The following RB1 variants were observed in gnomAD, a reference collection of about 807,000 sequenced individuals.
The protein encoded by RB1 is RB transcriptional corepressor 1.
A neutral mutation model predicts 135.4 loss-of-function variants in RB1; 18 were observed. The observed-to-expected ratio is 0.13, with a 90% CI of 0.09 to 0.20. RB1 has a LOEUF of 0.20. Ranked by LOEUF, RB1 falls within the 10% of genes least tolerant of loss-of-function variation. The pLI, the probability that RB1 is intolerant of heterozygous loss-of-function variation, is 1.00. For missense variants in RB1, 868 were observed against 1,110.0 expected (o/e 0.78, Z 3.10); for synonymous variants, 365 against 373.2 (o/e 0.98, Z 0.25).
chr13:48,430,203 A>G (rs1949115109), intron 17 of RB1, among the ~76,000 whole-genome samples: 1 of 152,254 alleles, frequency 6.6e-6, no homozygotes, highest in African/African-American at 2.4e-5. Flanking sequence ...GTCCAGAAAT[A>G]ATCCCATACC....
At chr13:48,457,074 T>C (rs898400697) in intron 19 of RB1, among the ~76,000 whole-genome samples, 2 of 152,150 alleles carry the variant, frequency 1.3e-5, no homozygotes, top group Admixed American at 6.5e-5. Context: ...GGTCCTGAGT[T>C]CTTGTCCTGC....
At chr13:48,347,759 G>A (rs531509043) in intron 4 of RB1, 66 bp from the exon 5 acceptor site, 1 of 1,090,408 alleles carries the variant, frequency 9.2e-7, no homozygotes, top group Admixed American at 1.9e-5. Context: ...AATAAAGCAT[G>A]AGAAAACTAC....
chr13:48,371,795 C>T (rs1952761035), intron 11 of RB1, among the ~76,000 whole-genome samples: 1 of 151,948 alleles, frequency 6.6e-6, no homozygotes, highest in Admixed American at 6.6e-5. Flanking sequence ...AGCAGGGGTC[C>T]CCAATTCCCG....
chr13:48,374,088 G>A (rs1365360980), intron 12 of RB1, among the ~76,000 whole-genome samples: 1 of 151,936 alleles, frequency 6.6e-6, no homozygotes, highest in Non-Finnish European at 1.5e-5. Flanking sequence ...TATTAGATAG[G>A]ACTTAACATT....
intron 2 of RB1, among the ~76,000 whole-genome samples, chr13:48,309,786 A>AT (rs972409649): frequency 5.3e-5 from 8 of 151,640 alleles, no homozygotes; most frequent in South Asian, 2.1e-4. Flanking sequence ...CACATAACTT[A>AT]TTTTTTTTTG....
intron 17 of RB1, among the ~76,000 whole-genome samples, chr13:48,382,456 G>A (rs542070392): frequency 6.6e-5 from 10 of 152,260 alleles, no homozygotes; most frequent in Admixed American, 1.3e-4. Context: ...CAGTGATGAT[G>A]AGCATTTTTT....
chr13:48,401,625 G>A (rs1381172699), intron 17 of RB1, among the ~76,000 whole-genome samples: 1 of 152,082 alleles, frequency 6.6e-6, no homozygotes, highest in African/African-American at 2.4e-5. Context: ...TGTGGTCCTT[G>A]GTGTTGTTAC....
intron 18 of RB1, among the ~76,000 whole-genome samples, chr13:48,453,993 G>T (rs114672161): frequency 6.6e-6 from 1 of 152,106 alleles, no homozygotes; most frequent in East Asian, 1.9e-4. Context: ...AGTGAATTGG[G>T]GTCCCAAGTG....
intron 2 of RB1, among the ~76,000 whole-genome samples, chr13:48,335,639 T>C (rs547602746): frequency 2.0e-5 from 3 of 152,206 alleles, no homozygotes; most frequent in East Asian, 1.9e-4. Context: ...TTGCCCATTT[T>C]CCCCCCATTT....
At chr13:48,343,260 A>G (rs1952463203) in intron 3 of RB1, among the ~76,000 whole-genome samples, 1 of 152,178 alleles carries the variant, frequency 6.6e-6, no homozygotes, top group South Asian at 2.1e-4. Context: ...TGTTTTCAAT[A>G]ATGTATGAAC....
chr13:48,308,232 C>T, intron 2 of RB1, among the ~76,000 whole-genome samples: 1 of 151,500 alleles, frequency 6.6e-6, no homozygotes, highest in Non-Finnish European at 1.5e-5. Flanking sequence ...TGCCTATAGT[C>T]CCAGCTACTT....
chr13:48,349,482 T>C (rs1455969381), intron 6 of RB1, among the ~76,000 whole-genome samples: 1 of 151,838 alleles, frequency 6.6e-6, no homozygotes. Context: ...AAATAATGGG[T>C]TATAAGATAG....
chr13:48,437,191 C>T (rs573138085), intron 17 of RB1, among the ~76,000 whole-genome samples: 2 of 152,092 alleles, frequency 1.3e-5, no homozygotes, highest in Non-Finnish European at 2.9e-5. Flanking sequence ...GACTAAGTAG[C>T]AAAACAGAGT....
chr13:48,433,446 A>T (rs543966851), intron 17 of RB1, among the ~76,000 whole-genome samples: 128 of 152,284 alleles, frequency 8.4e-4, no homozygotes, highest in Non-Finnish European at 1.5e-3. Flanking sequence ...TTTGTAACTT[A>T]AAAGAGCTTT....
Position 48,373,388 on chromosome 13 carries a change from A to G in RB1, c.1128-17A>G, listed in dbSNP as rs1212021522. 6.7e-7 allele frequency: 1 copy of G among 1,487,358 alleles called. No individual in the cohort carries two copies. The highest frequency in any genetic ancestry group is 1.7e-5 in the Admixed American group (1 of 59,218). 92.1% of individuals were successfully genotyped at this position (1,487,358 alleles called of 1,614,324 possible). On this transcript the variant is annotated splice_polypyrimidine_tract_variant and intron_variant, in intron 11 of 26. Transcript: ENST00000267163. ...CCTTCATTGCTTAACACATTTTCCT[A>G]TTTTTATCCCCTCTAGGACTGTTAT...
chr13:48,443,804 T>A (rs778515504), intron 17 of RB1, among the ~76,000 whole-genome samples: 15 of 152,224 alleles, frequency 9.9e-5, no homozygotes, highest in Non-Finnish European at 2.2e-4. Context: ...ATTGCTTATA[T>A]ACATTTTTTT....
intron 20 of RB1, among the ~76,000 whole-genome samples, chr13:48,460,382 T>G (rs1168573151): frequency 1.3e-5 from 2 of 152,216 alleles, no homozygotes; most frequent in African/African-American, 4.8e-5. Context: ...GTTGTAATTC[T>G]TACAAATTAG....
At chr13:48,455,189 A>T (rs1949352511) in intron 18 of RB1, among the ~76,000 whole-genome samples, 1 of 152,280 alleles carries the variant, frequency 6.6e-6, no homozygotes, top group South Asian at 2.1e-4. Flanking sequence ...AAAATGGAGA[A>T]ATTAAAAATA....
At chr13:48,366,149 A>G (rs1952695129) in intron 9 of RB1, among the ~76,000 whole-genome samples, 1 of 152,162 alleles carries the variant, frequency 6.6e-6, no homozygotes, top group South Asian at 2.1e-4. Context: ...GCAAGAAGGG[A>G]CCAAATGTTA....
Sources: allele counts gnomAD v4.1 joint callset (sites outside exome capture counted in the v4.1 genomes callset), GRCh38; gene constraint gnomAD v4.1.1; transcripts MANE v1.5; gene names NCBI Gene and HGNC (gene_info 2026-07-23, HGNC 2026-07-21).